Variants in PRELID2 observed in about 807,000 individuals in gnomAD.
The protein encoded by PRELID2 is PRELI domain containing 2, also known as PRELI domain-containing protein 2.
A neutral mutation model predicts 28.4 loss-of-function variants in PRELID2; 25 were observed. The ratio of observed to expected loss-of-function variants is 0.88; its 90% CI spans 0.64 to 1.23. PRELID2 has a LOEUF of 1.23. Among genes scored for constraint, PRELID2 ranks in the 50% most tolerant of loss-of-function variants. The pLI, the probability that PRELID2 is intolerant of heterozygous loss-of-function variation, is 0.00. For synonymous variants in PRELID2, 76 were observed against 71.6 expected (o/e 1.06, Z -0.31); for missense variants, 201 against 214.4 (o/e 0.94, Z 0.39).
At chr5:145,776,103 G>A (rs1267434649) in intron 5 of PRELID2, among the ~76,000 whole-genome samples, 1 of 152,170 alleles carries the variant, frequency 6.6e-6, no homozygotes, top group Non-Finnish European at 1.5e-5. Context: ...CACAGTTTCA[G>A]TTACCCACAG....
the PRELID2 span, among the ~76,000 whole-genome samples, chr5:145,392,329 G>A: frequency 6.6e-6 from 1 of 152,136 alleles, no homozygotes; most frequent in Non-Finnish European, 1.5e-5. Flanking sequence ...AGTACTGAGT[G>A]AAGGAGGGAA....
intron 1 of PRELID2, among the ~76,000 whole-genome samples, chr5:145,638,583 C>T (rs896674655): frequency 2.0e-5 from 3 of 152,122 alleles, no homozygotes; most frequent in South Asian, 4.1e-4. Flanking sequence ...AGAGCCTTAA[C>T]AGTGTTTGTT....
At position 145,701,765 on chromosome 5, in the gene PRELID2, T is replaced by C. The variant is rs577074566; in HGVS notation, n.70+63166A>G. 4.6e-5 allele frequency among the ~76,000 whole-genome samples: 7 copies of C among 152,234 alleles called. No homozygotes were observed. In the East Asian group the frequency reaches 9.7e-4, roughly 21 times the overall value. ...AGATTAGAGAATTATAAAATATACA[T>C]TGAAGGCCGGGCGCAGTGGCTCACC... is the stretch of plus-strand genomic sequence containing the variant. On this transcript the variant is annotated intron_variant and non_coding_transcript_variant, in intron 1 of 2. Coordinates refer to the PRELID2 transcript ENST00000510259.
chr5:145,356,185 T>C, the PRELID2 span, among the ~76,000 whole-genome samples: 1 of 152,114 alleles, frequency 6.6e-6, no homozygotes. Context: ...TTTAAGAAAA[T>C]ATTTTATAAA....
At chr5:145,705,254 A>G (rs1028845220) in intron 1 of PRELID2, among the ~76,000 whole-genome samples, 2 of 151,734 alleles carry the variant, frequency 1.3e-5, no homozygotes, top group Non-Finnish European at 2.9e-5. Flanking sequence ...GCAATGGTGC[A>G]ATCTCAGCTC....
At chr5:145,703,782 C>T (rs777014239) in intron 1 of PRELID2, 2 of 152,130 alleles carry the variant, frequency 1.3e-5, no homozygotes, top group Non-Finnish European at 2.9e-5. Context: ...ACAAATTTCC[C>T]CTGCACCTGT....
chr5:145,244,917 G>T, the PRELID2 span, among the ~76,000 whole-genome samples: 1 of 151,972 alleles, frequency 6.6e-6, no homozygotes, highest in Non-Finnish European at 1.5e-5. Flanking sequence ...CCACATAAAA[G>T]AAAACAGAGT....
intron 1 of PRELID2, among the ~76,000 whole-genome samples, chr5:145,566,064 G>A (rs932450893): frequency 5.9e-5 from 9 of 152,150 alleles, no homozygotes; most frequent in African/African-American, 2.2e-4. Context: ...GTTACAAGTA[G>A]AAAAGTGAAT....
chr5:145,596,378 T>C (rs1753306599), intron 1 of PRELID2, among the ~76,000 whole-genome samples: 1 of 152,100 alleles, frequency 6.6e-6, no homozygotes, highest in Non-Finnish European at 1.5e-5. Context: ...TAATTAGACC[T>C]GGCATTTATC....
At chr5:145,727,086 CAAAG>C (rs2149722741) in intron 1 of PRELID2, among the ~76,000 whole-genome samples, 1 of 152,274 alleles carries the variant, frequency 6.6e-6, no homozygotes, top group African/African-American at 2.4e-5. Context: ...GGTGATCAAA[CAAAG>C]AAACAGGTGG....
intron 1 of PRELID2, among the ~76,000 whole-genome samples, chr5:145,581,462 G>A (rs1298085217): frequency 6.6e-6 from 1 of 152,084 alleles, no homozygotes; most frequent in Non-Finnish European, 1.5e-5. Flanking sequence ...CATTAATGCA[G>A]TAAGACAAGT....
At chr5:145,739,424 G>A (rs1205817952) in intron 1 of PRELID2, among the ~76,000 whole-genome samples, 18 of 152,136 alleles carry the variant, frequency 1.2e-4, no homozygotes, top group Admixed American at 1.2e-3. Context: ...AGAAGCGCTT[G>A]AACCTGGGAG....
At chr5:145,529,484 T>C (rs915114708) in intron 1 of PRELID2, among the ~76,000 whole-genome samples, 1 of 152,190 alleles carries the variant, frequency 6.6e-6, no homozygotes, top group Non-Finnish European at 1.5e-5. Flanking sequence ...TACTTTAATG[T>C]ACATTATCCC....
At chr5:145,803,334 T>C (rs1051426347) in intron 4 of PRELID2, among the ~76,000 whole-genome samples, 1 of 152,184 alleles carries the variant, frequency 6.6e-6, no homozygotes, top group Non-Finnish European at 1.5e-5. Flanking sequence ...CAATGCAATT[T>C]GCAGAGCTCT....
the PRELID2 span, among the ~76,000 whole-genome samples, chr5:145,260,380 A>G: frequency 6.6e-6 from 1 of 152,216 alleles, no homozygotes; most frequent in South Asian, 2.1e-4. Flanking sequence ...TGAAGACTTC[A>G]ACTCCTTTCA....
chr5:145,419,906 T>C, the PRELID2 span, among the ~76,000 whole-genome samples: 2 of 152,028 alleles, frequency 1.3e-5, no homozygotes, highest in African/African-American at 4.8e-5. Flanking sequence ...TTGATTTTTG[T>C]ATAAGGTGTA....
intron 1 of PRELID2, among the ~76,000 whole-genome samples, chr5:145,557,625 T>C (rs10476873): frequency 0.35 from 53,308 of 152,048 alleles, 10,285 homozygotes; most frequent in African/African-American, 0.53. Flanking sequence ...AAAGGAATAG[T>C]TGCAGGGGGA....
chr5:145,686,500 T>C (rs571640292), intron 1 of PRELID2, among the ~76,000 whole-genome samples: 70 of 152,160 alleles, frequency 4.6e-4, no homozygotes, highest in African/African-American at 1.7e-3. Flanking sequence ...AAAAACGTCT[T>C]CTAATCCCAC....
At chr5:145,456,627 CAT>C in the PRELID2 span, among the ~76,000 whole-genome samples, 1 of 152,184 alleles carries the variant, frequency 6.6e-6, no homozygotes, top group East Asian at 1.9e-4. Context: ...ACTTGTTTAT[CAT>C]ATGTCTACCA....
Sources: allele counts gnomAD v4.1 joint callset (sites outside exome capture counted in the v4.1 genomes callset), GRCh38; gene constraint gnomAD v4.1.1; transcripts MANE v1.5; gene names NCBI Gene and HGNC (gene_info 2026-07-23, HGNC 2026-07-21).